WWOX: variants seen among roughly 807,000 people sequenced by gnomAD.
WWOX encodes WW domain containing oxidoreductase, also known as WW domain-containing oxidoreductase.
A neutral mutation model predicts 46.2 loss-of-function variants in WWOX; 69 were observed. The ratio of observed to expected loss-of-function variants is 1.49; its 90% CI spans 1.23 to 1.82. The LOEUF (loss-of-function observed/expected upper bound fraction) is 1.82, where lower values mean the gene tolerates loss of function less well. Ranked by LOEUF, WWOX falls within the 40% of genes most tolerant of loss-of-function variation. WWOX has a pLI of 0.00. For missense variants in WWOX, 919 were observed against 542.6 expected (o/e 1.69, Z -6.89); for synonymous variants, 359 against 202.6 (o/e 1.77, Z -6.56).
intron 5 of WWOX, among the ~76,000 whole-genome samples, chr16:78,224,404 A>C (rs551898122): frequency 3.7e-5 from 5 of 136,296 alleles, no homozygotes; most frequent in Non-Finnish European, 6.2e-5. Flanking sequence ...TTTAAAAATT[A>C]AAAAAAAAAA....
intron 8 of WWOX, among the ~76,000 whole-genome samples, chr16:79,152,551 G>A (rs1175404332): frequency 6.6e-6 from 1 of 151,930 alleles, no homozygotes; most frequent in Non-Finnish European, 1.5e-5. Flanking sequence ...TGTTCCTGTA[G>A]TCTCAGCTAC....
chr16:78,834,042 A>G (rs1051875536), intron 8 of WWOX, among the ~76,000 whole-genome samples: 2 of 152,248 alleles, frequency 1.3e-5, no homozygotes, highest in East Asian at 1.9e-4. Flanking sequence ...GAGTGAAGCC[A>G]TCAGTCAAAT....
chr16:78,331,127 C>T (rs1267617907), intron 5 of WWOX, among the ~76,000 whole-genome samples: 1 of 152,100 alleles, frequency 6.6e-6, no homozygotes. Flanking sequence ...CCTACGGTCC[C>T]TGAATATGTT....
intron 8 of WWOX, among the ~76,000 whole-genome samples, chr16:78,903,798 G>C (rs1029465318): frequency 6.6e-6 from 1 of 152,292 alleles, no homozygotes; most frequent in Admixed American, 6.5e-5. Context: ...GCTCAATCAT[G>C]CTGAGAGTCC....
chr16:79,180,551 G>A (rs949776190), intron 8 of WWOX, among the ~76,000 whole-genome samples: 1 of 152,186 alleles, frequency 6.6e-6, no homozygotes, highest in Admixed American at 6.5e-5. Flanking sequence ...GGGGCAGGAG[G>A]AATTGGGGAA....
intron 5 of WWOX, among the ~76,000 whole-genome samples, chr16:78,345,457 C>T (rs112649966): frequency 0.39 from 9,741 of 24,940 alleles, 2,527 homozygotes; most frequent in Admixed American, 0.49. Context: ...CCCATCGCTA[C>T]CAAAAAAAAA....
intron 8 of WWOX, among the ~76,000 whole-genome samples, chr16:78,987,193 C>T (rs963022741): frequency 4.6e-5 from 7 of 152,218 alleles, no homozygotes; most frequent in African/African-American, 1.7e-4. Flanking sequence ...TGTCTCCCTG[C>T]ATCACAAACC....
intron 8 of WWOX, among the ~76,000 whole-genome samples, chr16:78,906,175 C>T (rs572576455): frequency 6.6e-6 from 1 of 152,164 alleles, no homozygotes; most frequent in East Asian, 1.9e-4. Flanking sequence ...CATCTAGGGA[C>T]ATCTGGGGCA....
intron 8 of WWOX, among the ~76,000 whole-genome samples, chr16:79,168,382 A>C (rs2050635469): frequency 6.6e-6 from 1 of 152,234 alleles, no homozygotes; most frequent in Non-Finnish European, 1.5e-5. Context: ...GTTCTAAGGC[A>C]CTAGGCTTTT....
chr16:78,911,838 C>T (rs540236252), intron 8 of WWOX, among the ~76,000 whole-genome samples: 1 of 152,134 alleles, frequency 6.6e-6, no homozygotes, highest in Non-Finnish European at 1.5e-5. Context: ...TGCATTCCAG[C>T]CTGGGTGACA....
At chr16:79,169,799 A>G (rs1030174616) in intron 8 of WWOX, among the ~76,000 whole-genome samples, 6 of 152,166 alleles carry the variant, frequency 3.9e-5, no homozygotes, top group African/African-American at 1.4e-4. Flanking sequence ...TTTCCTCCCC[A>G]GACGTTTTTC....
chr16:78,428,672 G>T (rs563851831), intron 7 of WWOX, among the ~76,000 whole-genome samples: 1 of 152,124 alleles, frequency 6.6e-6, no homozygotes, highest in African/African-American at 2.4e-5. Flanking sequence ...ACATACTTCT[G>T]TGTTATCCTT....
At chr16:79,138,870 T>C (rs924689676) in intron 8 of WWOX, among the ~76,000 whole-genome samples, 2 of 152,152 alleles carry the variant, frequency 1.3e-5, no homozygotes, top group South Asian at 2.1e-4. Context: ...CTTAAAGATA[T>C]GCTATCCACA....
In WWOX at chr16:78,924,289, A is replaced by T. The variant is rs995193310; in HGVS notation, c.1057-287319A>T. Among the ~76,000 whole-genome samples the T allele has an allele frequency of 2.6e-5, 4 of 152,320 alleles. No individual in the cohort carries two copies. In the Middle Eastern group the frequency reaches 0.01, roughly 389 times the overall value. On this transcript the variant is annotated intron_variant, in intron 8 of 8. Coordinates refer to ENST00000566780, the MANE Select transcript of WWOX (RefSeq NM_016373.4). ...GGTTAGACAAGTTTTATAAGATTTTAGGATTAGGAAGGCTTTTTTAGGGGG... is the reference window on the plus strand; with the variant it reads ...GGTTAGACAAGTTTTATAAGATTTTTGGATTAGGAAGGCTTTTTTAGGGGG...
At chr16:78,666,727 C>T (rs1047279269) in intron 8 of WWOX, among the ~76,000 whole-genome samples, 2 of 152,210 alleles carry the variant, frequency 1.3e-5, no homozygotes, top group East Asian at 1.9e-4. Flanking sequence ...TCAGTTCCAT[C>T]TGCCTCTTTC....
intron 8 of WWOX, among the ~76,000 whole-genome samples, chr16:78,611,183 C>G (rs982638470): frequency 6.6e-6 from 1 of 152,016 alleles, no homozygotes; most frequent in Admixed American, 6.6e-5. Context: ...GAAATTTTGC[C>G]CTTGGACAAG....
At chr16:78,924,816 T>A (rs1351227436) in intron 8 of WWOX, among the ~76,000 whole-genome samples, 1 of 152,212 alleles carries the variant, frequency 6.6e-6, no homozygotes, top group Non-Finnish European at 1.5e-5. Flanking sequence ...TACTAGTGAT[T>A]GTTGGTGTCA....
chr16:78,672,705 A>G (rs924360435), intron 8 of WWOX, among the ~76,000 whole-genome samples: 5 of 152,244 alleles, frequency 3.3e-5, no homozygotes, highest in South Asian at 2.1e-4. Flanking sequence ...GGAATGACCA[A>G]AAAGATTCCC....
rs550147496 is a variant in WWOX at position 78,254,062 on chromosome 16, C to T, written c.516+89773C>T. Among the ~76,000 whole-genome samples, 102 of 151,984 alleles carry T rather than the reference C, an allele frequency of 6.7e-4. 1 individual carries two copies. In the South Asian group the frequency reaches 0.018, roughly 27 times the overall value. On this transcript the variant is annotated intron_variant, in intron 5 of 8. Coordinates refer to ENST00000566780, the MANE Select transcript of WWOX (RefSeq NM_016373.4). ...TGTGATGGTCTTTTTTAATGTCTTTCGTGAAGAATTCTTCTTTTTTTTTTC... is the reference window on the plus strand; with the variant it reads ...TGTGATGGTCTTTTTTAATGTCTTTTGTGAAGAATTCTTCTTTTTTTTTTC...
Sources: gnomAD v4.1 joint callset for allele counts (sites outside exome capture counted in the v4.1 genomes callset) on GRCh38, gnomAD v4.1.1 for gene constraint, MANE v1.5 for transcripts, NCBI Gene and HGNC (gene_info 2026-07-23, HGNC 2026-07-21) for gene names.